Variants in RGS6 observed in about 807,000 individuals in gnomAD.
RGS6 encodes regulator of G protein signaling 6, also known as regulator of G-protein signaling 6.
RGS6 carries 30 observed loss-of-function variants against 78.5 expected under a neutral mutation model. That is an observed-to-expected ratio of 0.38 (90% confidence interval 0.29 to 0.52). RGS6 has a LOEUF of 0.52. Ranked by LOEUF, RGS6 falls within the 20% of genes least tolerant of loss-of-function variation. The pLI, the probability that RGS6 is intolerant of heterozygous loss-of-function variation, is 0.85. For synonymous variants in RGS6, 206 were observed against 206.0 expected, an observed-to-expected ratio of 1.00 and a Z score of 0.00; for missense variants, 495 against 609.7, an observed-to-expected ratio of 0.81 and a Z score of 1.98.
At chr14:72,571,661 A>T in the RGS6 span, among the ~76,000 whole-genome samples, 1 of 152,256 alleles carries the variant, frequency 6.6e-6, no homozygotes, top group African/African-American at 2.4e-5. Flanking sequence ...CTCACACCTT[A>T]TACAAAAGTT....
At chr14:72,585,456 A>C in the RGS6 span, among the ~76,000 whole-genome samples, 1 of 152,228 alleles carries the variant, frequency 6.6e-6, no homozygotes, top group Non-Finnish European at 1.5e-5. Context: ...GGTTGGAAAG[A>C]AGAGGAAGTT....
At chr14:71,887,374 A>G in the RGS6 span, among the ~76,000 whole-genome samples, 25 of 152,310 alleles carry the variant, frequency 1.6e-4, no homozygotes, top group African/African-American at 6.0e-4. Context: ...GACAACCATA[A>G]GGTCACACTG....
At chr14:71,958,264 G>A (rs1264890593) in intron 1 of RGS6, among the ~76,000 whole-genome samples, 2 of 152,176 alleles carry the variant, frequency 1.3e-5, no homozygotes, top group East Asian at 3.9e-4. Flanking sequence ...GGACATGTTG[G>A]AAAAACTGTG....
intron 3 of RGS6, among the ~76,000 whole-genome samples, chr14:72,422,691 T>A (rs1158145327): frequency 6.6e-6 from 1 of 152,128 alleles, no homozygotes; most frequent in African/African-American, 2.4e-5. Context: ...GGTGTCATTA[T>A]GAGGAGCATC....
chr14:72,268,592 A>G (rs865911724), intron 2 of RGS6, among the ~76,000 whole-genome samples: 1 of 152,174 alleles, frequency 6.6e-6, no homozygotes, highest in African/African-American at 2.4e-5. Context: ...CTTTTCAGTC[A>G]TTTTCACCCG....
rs370875617 is a variant in RGS6 at position 72,387,493 on chromosome 14, G to A, written c.184+35299G>A. On this transcript the variant is annotated intron_variant, in intron 3 of 17. Coordinates refer to ENST00000553525, the MANE Select transcript of RGS6 (RefSeq NM_001204424.2). ...GAACCCAGGAGGCAGAGCTTGCAGT[G>A]AGCCGAGATCGCACCACTGGACTCC... Among the ~76,000 whole-genome samples, 59 of 151,614 alleles carry A rather than the reference G, an allele frequency of 3.9e-4. 1 individual carries two copies. The South Asian group carries it at 0.012, about 31-fold the overall frequency.
chr14:72,503,052 G>A (rs1442554677), intron 13 of RGS6, among the ~76,000 whole-genome samples: 1 of 152,164 alleles, frequency 6.6e-6, no homozygotes, highest in Admixed American at 6.5e-5. Context: ...TGGAGGCTGG[G>A]AAGTTCAAGG....
At chr14:72,488,175 T>G (rs1026468135) in intron 12 of RGS6, among the ~76,000 whole-genome samples, 2 of 152,242 alleles carry the variant, frequency 1.3e-5, no homozygotes, top group African/African-American at 2.4e-5. Flanking sequence ...ACCACTCATC[T>G]CTGACACTGG....
At chr14:72,114,199 G>A (rs539136517) in intron 2 of RGS6, among the ~76,000 whole-genome samples, 6 of 152,220 alleles carry the variant, frequency 3.9e-5, no homozygotes, top group Middle Eastern at 6.8e-3. Flanking sequence ...ATAGAAGCAC[G>A]CCTCTGTCTA....
chr14:71,926,585 G>GAAAAA, the RGS6 span, among the ~76,000 whole-genome samples: 5 of 51,256 alleles, frequency 9.8e-5, no homozygotes, highest in African/African-American at 3.1e-4. Flanking sequence ...CTCTGTCTCA[G>GAAAAA]AAAAAAAAAA....
intron 2 of RGS6, among the ~76,000 whole-genome samples, chr14:72,226,746 A>G (rs1053630517): frequency 4.6e-5 from 7 of 152,382 alleles, no homozygotes; most frequent in Non-Finnish European, 8.8e-5. Context: ...TGTGTAGCCC[A>G]GGCTGGAGTG....
intron 2 of RGS6, among the ~76,000 whole-genome samples, chr14:72,056,849 G>A (rs564177071): frequency 2.6e-5 from 4 of 152,280 alleles, no homozygotes; most frequent in Admixed American, 2.6e-4. Context: ...TGAGCAGATG[G>A]TAGCTTGTCA....
intron 2 of RGS6, among the ~76,000 whole-genome samples, chr14:72,132,943 G>A (rs984804528): frequency 7.2e-5 from 11 of 152,130 alleles, no homozygotes; most frequent in Admixed American, 6.6e-4. Flanking sequence ...TAAAGGAAAT[G>A]TGTTCCATTA....
chr14:72,532,459 G>T (rs2097194606), intron 15 of RGS6, among the ~76,000 whole-genome samples: 1 of 152,076 alleles, frequency 6.6e-6, no homozygotes, highest in African/African-American at 2.4e-5. Context: ...ACTCTGCAGT[G>T]GTCTCTAAGT....
chr14:72,353,502 A>G (rs1341441624), intron 3 of RGS6, among the ~76,000 whole-genome samples: 1 of 152,236 alleles, frequency 6.6e-6, no homozygotes, highest in Non-Finnish European at 1.5e-5. Context: ...GGTATACAGC[A>G]TTGTATACAT....
At chr14:72,367,055 A>T (rs1331438618) in intron 3 of RGS6, among the ~76,000 whole-genome samples, 1 of 152,214 alleles carries the variant, frequency 6.6e-6, no homozygotes, top group East Asian at 1.9e-4. Flanking sequence ...AGTACCAGAG[A>T]CATGATGTAA....
At chr14:72,129,570 G>A (rs967340597) in intron 2 of RGS6, among the ~76,000 whole-genome samples, 3 of 152,146 alleles carry the variant, frequency 2.0e-5, no homozygotes, top group Admixed American at 6.5e-5. Flanking sequence ...CTTGACATCT[G>A]TTCTGCAGTC....
chr14:72,286,600 T>C (rs972117917), intron 2 of RGS6, among the ~76,000 whole-genome samples: 1 of 152,078 alleles, frequency 6.6e-6, no homozygotes, highest in Non-Finnish European at 1.5e-5. Flanking sequence ...TCACTTTGGG[T>C]AGTATAGATA....
At chr14:72,515,651 T>TC (rs2096932722) in intron 14 of RGS6, 1 of 152,272 alleles carries the variant, frequency 6.6e-6, no homozygotes, top group Non-Finnish European at 1.5e-5. Flanking sequence ...GGGTGACAGA[T>TC]CATGACCCTG....
Sources: allele counts gnomAD v4.1 joint callset (sites outside exome capture counted in the v4.1 genomes callset), GRCh38; gene constraint gnomAD v4.1.1; transcripts MANE v1.5; gene names NCBI Gene and HGNC (gene_info 2026-07-23, HGNC 2026-07-21).